Variants in RASA2 observed in about 807,000 individuals in gnomAD.
RASA2 encodes RAS p21 protein activator 2.
Under a neutral mutation model 118.2 loss-of-function variants are expected in RASA2, and 155 were observed. The observed-to-expected ratio is 1.31, with a 90% CI of 1.15 to 1.50. The LOEUF (loss-of-function observed/expected upper bound fraction) is 1.50, where lower values mean the gene tolerates loss of function less well. Among genes scored for constraint, RASA2 ranks in the 40% most tolerant of loss-of-function variants. The pLI, the probability that RASA2 is intolerant of heterozygous loss-of-function variation, is 0.00. For synonymous variants in RASA2, 353 were observed against 349.1 expected (o/e 1.01, Z -0.12); for missense variants, 1,016 against 1,009.6 (o/e 1.01, Z -0.09).
At position 141,573,088 on chromosome 3, in the gene RASA2, A is replaced by G. The variant is rs189865425; in HGVS notation, c.1285-59A>G. 1.8e-4 allele frequency: 241 copies of G among 1,373,172 alleles called. No homozygotes were observed. The African/African-American group carries it at 2.9e-3, about 17-fold the overall frequency. 85.1% of individuals were successfully genotyped at this position (1,373,172 alleles called of 1,614,324 possible). ...ACTTTTATTATCAGAAAAATAAGTT[A>G]TTTTCATTTTGTCAGACTACTTAGA... On this transcript the variant is annotated intron_variant, in intron 12 of 23. Coordinates refer to ENST00000286364, the MANE Select transcript of RASA2 (RefSeq NM_006506.5).
intron 9 of RASA2, among the ~76,000 whole-genome samples, chr3:141,565,037 G>A (rs1369082106): frequency 6.6e-6 from 1 of 152,026 alleles, no homozygotes; most frequent in African/African-American, 2.4e-5. Flanking sequence ...CCAGGCTGGA[G>A]TGCAGTGGTG....
At chr3:141,500,079 A>G (rs1310502601) in intron 1 of RASA2, among the ~76,000 whole-genome samples, 1 of 152,250 alleles carries the variant, frequency 6.6e-6, no homozygotes, top group Non-Finnish European at 1.5e-5. Flanking sequence ...GCCTATTGGT[A>G]CTATTTCTCA....
intron 7 of RASA2, 74 bp downstream of exon 7, chr3:141,555,986 CCA>C: frequency 8.7e-7 from 1 of 1,148,840 alleles, no homozygotes; most frequent in Non-Finnish European, 1.3e-6. Context: ...TTTTTTCAAA[CCA>C]CAGTCATAGT....
At chr3:141,563,857 T>C (rs1369555370) in intron 9 of RASA2, among the ~76,000 whole-genome samples, 2 of 152,158 alleles carry the variant, frequency 1.3e-5, no homozygotes, top group Non-Finnish European at 2.9e-5. Context: ...TTAGCAAAGA[T>C]TTGAGTGTCC....
intron 23 of RASA2, among the ~76,000 whole-genome samples, chr3:141,611,478 T>C (rs564396629): frequency 3.9e-5 from 6 of 152,252 alleles, no homozygotes; most frequent in South Asian, 2.1e-4. Context: ...CGGGGATGGG[T>C]CTTGGGCCAG....
chr3:141,568,940 T>C (rs1054875857), intron 9 of RASA2, among the ~76,000 whole-genome samples: 1 of 152,128 alleles, frequency 6.6e-6, no homozygotes, highest in Non-Finnish European at 1.5e-5. Context: ...TTTAAAATTA[T>C]GCTATTTTCA....
intron 4 of RASA2, among the ~76,000 whole-genome samples, chr3:141,538,628 T>G (rs2082362787): frequency 6.6e-6 from 1 of 152,230 alleles, no homozygotes; most frequent in Non-Finnish European, 1.5e-5. Context: ...TATAATTTCC[T>G]TAATTTAACT....
intron 1 of RASA2, among the ~76,000 whole-genome samples, chr3:141,510,837 T>C (rs892824806): frequency 6.6e-5 from 10 of 152,186 alleles, no homozygotes; most frequent in Non-Finnish European, 1.5e-4. Context: ...TAGGGCTTTG[T>C]AGACTGTGGT....
At position 141,580,300 on chromosome 3, in the gene RASA2, A is replaced by G. The variant is rs556628844; in HGVS notation, c.1591-68A>G. The G allele has an allele frequency of 3.7e-4, 450 of 1,226,290 alleles. 3 individuals are homozygous for G. The African/African-American group carries it at 6.2e-3, about 17-fold the overall frequency. 76.0% of individuals were successfully genotyped at this position (1,226,290 alleles called of 1,614,324 possible). Reference sequence around the variant, plus strand: ...TACAGCAATGTAGTCCATTTACTCTATTCTACTTTTTTATACAAACTATTT... The same window carrying G: ...TACAGCAATGTAGTCCATTTACTCTGTTCTACTTTTTTATACAAACTATTT... On this transcript the variant is annotated intron_variant, in intron 15 of 23. Coordinates refer to ENST00000286364, the MANE Select transcript of RASA2 (RefSeq NM_006506.5).
chr3:141,487,603 G>T (rs995735305), intron 1 of RASA2, among the ~76,000 whole-genome samples: 4 of 152,006 alleles, frequency 2.6e-5, no homozygotes, highest in African/African-American at 9.7e-5. Context: ...AGGCCTTCGC[G>T]CGGCTGCGGG....
At chr3:141,601,882 T>C (rs1421266778) in intron 19 of RASA2, among the ~76,000 whole-genome samples, 1 of 152,222 alleles carries the variant, frequency 6.6e-6, no homozygotes. Context: ...GGTCTCCAAA[T>C]CAGATCATTT....
intron 1 of RASA2, among the ~76,000 whole-genome samples, chr3:141,502,469 C>T (rs1381403727): frequency 1.3e-5 from 2 of 152,088 alleles, no homozygotes; most frequent in African/African-American, 4.8e-5. Context: ...CCCTCTCATT[C>T]CCCCTTCATC....
intron 5 of RASA2, among the ~76,000 whole-genome samples, chr3:141,546,844 C>A (rs905960083): frequency 6.6e-6 from 1 of 152,064 alleles, no homozygotes; most frequent in Admixed American, 6.5e-5. Context: ...TAGATTTAAG[C>A]CTTTAATCCA....
At chr3:141,533,706 T>C (rs1192312243) in intron 4 of RASA2, among the ~76,000 whole-genome samples, 2 of 152,222 alleles carry the variant, frequency 1.3e-5, no homozygotes, top group African/African-American at 4.8e-5. Context: ...GTTCAAAATA[T>C]TGTTAGTAAC....
Position 141,586,067 on chromosome 3 carries a change from GGT to G in RASA2, c.1796_1797del (p.Gly599AspfsTer3). 6.2e-7 allele frequency: 1 copy of G among 1,611,096 alleles called. No individual in the cohort carries two copies. Among genetic ancestry groups the G allele is most frequent in the Non-Finnish European group, 8.5e-7 (1 of 1,177,596 alleles). Reference protein sequence around the residue: ...ISSTETKESSGTSEPVHLKEG... With the variant: ...ISSTETKESSXTSEPVHLKEG... ...ATCTACTGAAACTAAAGAGTCCAGT[GGT>G]ACGAGTGAGCCTGTGCACCTGAAAG... On this transcript the variant is annotated frameshift_variant, in exon 18 of 24. Transcript: ENST00000286364. LOFTEE classifies it high-confidence loss of function.
At position 141,615,105 on chromosome 3, in the gene RASA2, T is replaced by C. The variant is rs1011406015; in HGVS notation, c.*2792T>C. 3 of 152,250 alleles carry C rather than the reference T, an allele frequency of 2.0e-5. No homozygotes were observed. The South Asian group carries it at 6.2e-4, about 31-fold the overall frequency. 9.4% of individuals were successfully genotyped at this position (152,250 alleles called of 1,614,324 possible). ...TTAAATTACCAATCTTGGTTGATATTATCTGCTTCCATTTTTATTAATTTG... is the reference window on the plus strand; with the variant it reads ...TTAAATTACCAATCTTGGTTGATATCATCTGCTTCCATTTTTATTAATTTG... On this transcript the variant is annotated 3_prime_UTR_variant, in exon 24 of 24. Coordinates refer to ENST00000286364, the MANE Select transcript of RASA2 (RefSeq NM_006506.5).
chr3:141,555,956 A>G, intron 7 of RASA2, 44 bp downstream of exon 7: 1 of 1,404,428 alleles, frequency 7.1e-7, no homozygotes, highest in Non-Finnish European at 9.9e-7. Context: ...AATATGTAAT[A>G]TTTAATGCTA....
chr3:141,522,528 G>T (rs114311433), intron 3 of RASA2, among the ~76,000 whole-genome samples: 4 of 152,116 alleles, frequency 2.6e-5, no homozygotes, highest in Admixed American at 6.5e-5. Flanking sequence ...CTGAGAAGAC[G>T]CTGATCTTCC....
chr3:141,595,856 T>C (rs546252965), intron 19 of RASA2, among the ~76,000 whole-genome samples: 2 of 152,110 alleles, frequency 1.3e-5, no homozygotes, highest in South Asian at 4.1e-4. Flanking sequence ...CTCAAACTCC[T>C]GGACCCAAGT....
Sources: gnomAD v4.1 joint callset for allele counts (sites outside exome capture counted in the v4.1 genomes callset) on GRCh38, gnomAD v4.1.1 for gene constraint, MANE v1.5 for transcripts, NCBI Gene and HGNC (gene_info 2026-07-23, HGNC 2026-07-21) for gene names.